TEK: variants seen among roughly 807,000 people sequenced by gnomAD.
TEK encodes angiopoietin-1 receptor.
A neutral mutation model predicts 131.8 loss-of-function variants in TEK; 43 were observed. The observed-to-expected ratio is 0.33, with a 90% CI of 0.26 to 0.42. TEK has a LOEUF of 0.42. Among genes scored for constraint, TEK ranks in the 10% least tolerant of loss-of-function variants. The probability of loss-of-function intolerance (pLI) is 1.00; values close to 1 mark genes in which losing one functional copy is unlikely to be tolerated. For synonymous variants in TEK, 580 were observed against 491.6 expected (o/e 1.18, Z -2.38); for missense variants, 1,162 against 1,384.4 (o/e 0.84, Z 2.55).
At chr9:27,143,033 C>G (rs1036749691) in intron 1 of TEK, among the ~76,000 whole-genome samples, 4 of 152,192 alleles carry the variant, frequency 2.6e-5, no homozygotes, top group African/African-American at 9.7e-5. Context: ...GCACACTGCT[C>G]TTTAAAGAGC....
intron 2 of TEK, among the ~76,000 whole-genome samples, chr9:27,160,552 A>C (rs1173000632): frequency 6.6e-6 from 1 of 152,168 alleles, no homozygotes; most frequent in African/African-American, 2.4e-5. Context: ...CCAGGTGATG[A>C]GAATCTGCTC....
intron 20 of TEK, among the ~76,000 whole-genome samples, chr9:27,219,325 G>A (rs980026067): frequency 1.6e-4 from 24 of 152,104 alleles, no homozygotes; most frequent in Non-Finnish European, 3.1e-4. Flanking sequence ...GAATGAGTTC[G>A]TGTCCTTTGC....
intron 1 of TEK, among the ~76,000 whole-genome samples, chr9:27,118,948 A>G (rs145837518): frequency 1.3e-5 from 2 of 152,342 alleles, no homozygotes; most frequent in Non-Finnish European, 2.9e-5. Context: ...AGTCTTTAGT[A>G]CGAGAGAATG....
chr9:27,185,172 G>A (rs1355672273), intron 8 of TEK, among the ~76,000 whole-genome samples: 1 of 152,256 alleles, frequency 6.6e-6, no homozygotes, highest in East Asian at 1.9e-4. Flanking sequence ...GTGTTAGATA[G>A]GAAAGGAACA....
intron 3 of TEK, among the ~76,000 whole-genome samples, chr9:27,169,122 A>G (rs1334990898): frequency 1.3e-5 from 2 of 152,182 alleles, no homozygotes; most frequent in Admixed American, 6.5e-5. Context: ...AGTAGCGATT[A>G]TAGATATCTC....
At chr9:27,175,249 G>C (rs896633410) in intron 6 of TEK, among the ~76,000 whole-genome samples, 1 of 148,572 alleles carries the variant, frequency 6.7e-6, no homozygotes, top group East Asian at 2.0e-4. Flanking sequence ...TTGGTTTTTT[G>C]TCCTTGTGAT....
intron 1 of TEK, among the ~76,000 whole-genome samples, chr9:27,124,116 T>A (rs1241746769): frequency 1.3e-5 from 2 of 152,208 alleles, no homozygotes; most frequent in Non-Finnish European, 2.9e-5. Flanking sequence ...CAATGTAAAT[T>A]ACAGCTTAAT....
At chr9:27,219,754 ATAAAGGTTAAT>A (rs1825984827) in intron 20 of TEK, among the ~76,000 whole-genome samples, 1 of 111,422 alleles carries the variant, frequency 9.0e-6, no homozygotes, top group African/African-American at 3.5e-5. Flanking sequence ...TATTGGTATA[ATAAAGGTTAAT>A]CTTATTGGTA....
chr9:27,133,608 C>A (rs918509275), intron 1 of TEK, among the ~76,000 whole-genome samples: 6 of 152,176 alleles, frequency 3.9e-5, no homozygotes, highest in Non-Finnish European at 8.8e-5. Flanking sequence ...CATGCCTCAT[C>A]TTTCCGTAAA....
rs1824321740 is a variant in TEK, at chr9:27,180,387, G to A, written c.1030+19G>A. 1 of 1,609,210 alleles carries A rather than the reference G, an allele frequency of 6.2e-7. No individual in the cohort carries two copies. Among genetic ancestry groups the A allele is most frequent in the Admixed American group, 1.7e-5 (1 of 59,208 alleles). On this transcript the variant is annotated intron_variant, in intron 7 of 22. Transcript: ENST00000380036. ...AGAGAAGGTAAAGCAAGGTAACACT[G>A]TAGTCAGGGCCATGTTCAGCATGTC... is the stretch of plus-strand genomic sequence containing the variant.
intron 7 of TEK, among the ~76,000 whole-genome samples, chr9:27,180,932 A>G (rs1202906870): frequency 6.6e-6 from 1 of 152,188 alleles, no homozygotes; most frequent in Non-Finnish European, 1.5e-5. Context: ...TTTAAAATGT[A>G]AATTCAGTGG....
intron 4 of TEK, 42 bp downstream of exon 4, chr9:27,169,671 T>G: frequency 6.2e-7 from 1 of 1,612,792 alleles, no homozygotes; most frequent in Non-Finnish European, 8.5e-7. Context: ...GTGTAGTTGT[T>G]AGGTTGTTAG....
chr9:27,148,469 G>T (rs1352444042), intron 1 of TEK, among the ~76,000 whole-genome samples: 2 of 152,194 alleles, frequency 1.3e-5, no homozygotes, highest in Non-Finnish European at 2.9e-5. Context: ...AAGCTGGATT[G>T]GTCTCTCATC....
At chr9:27,201,939 A>G (rs570472905) in intron 12 of TEK, among the ~76,000 whole-genome samples, 1 of 152,342 alleles carries the variant, frequency 6.6e-6, no homozygotes, top group Admixed American at 6.5e-5. Context: ...GAGTGTCTGC[A>G]TGTGGAAGCA....
intron 1 of TEK, among the ~76,000 whole-genome samples, chr9:27,116,631 G>A (rs770332363): frequency 6.6e-6 from 1 of 152,168 alleles, no homozygotes; most frequent in Non-Finnish European, 1.5e-5. Context: ...CTGAAGCTCA[G>A]AGGAAGGGGA....
At chr9:27,206,469 A>G in intron 14 of TEK, 113 bp from the exon 15 acceptor site, 1 of 1,204,032 alleles carries the variant, frequency 8.3e-7, no homozygotes, top group Non-Finnish European at 1.2e-6. Context: ...CCAGTCTAGA[A>G]TTAAATACAG....
chr9:27,187,304 G>T (rs1462972259), intron 9 of TEK, among the ~76,000 whole-genome samples: 1 of 152,190 alleles, frequency 6.6e-6, no homozygotes, highest in African/African-American at 2.4e-5. Flanking sequence ...AATTTAATCA[G>T]CATCTTTTAT....
Position 27,190,594 on chromosome 9 carries a change from A to G in TEK, c.1393A>G (p.Ile465Val). 3 of 1,614,078 alleles carry G rather than the reference A, an allele frequency of 1.9e-6. No individual in the cohort carries two copies. Among genetic ancestry groups the G allele is most frequent in the Non-Finnish European group, 2.5e-6 (3 of 1,179,944 alleles). ...DTGHNFAVIN[I>V]SSEPYFGDGP... ...TGGACATAACTTTGCTGTCATCAAC[A>G]TCAGCTCTGAGCCTTACTTTGGGGA... The change falls in exon 10 of 23, where the codon ATC becomes GTC. Residue 465 changes from isoleucine (I) to valine (V), a missense_variant. Coordinates refer to ENST00000380036, the MANE Select transcript of TEK (RefSeq NM_000459.5).
At chr9:27,176,533 T>A (rs910751245) in intron 6 of TEK, among the ~76,000 whole-genome samples, 1 of 152,194 alleles carries the variant, frequency 6.6e-6, no homozygotes, top group Non-Finnish European at 1.5e-5. Context: ...TGTGATTAAG[T>A]TTTTTTCCAG....
Sources: allele counts gnomAD v4.1 joint callset (sites outside exome capture counted in the v4.1 genomes callset), GRCh38; gene constraint gnomAD v4.1.1; transcripts MANE v1.5; gene names NCBI Gene and HGNC (gene_info 2026-07-23, HGNC 2026-07-21).